Variants in IL1RAPL1 observed in about 807,000 individuals in gnomAD.
IL1RAPL1 encodes the protein interleukin 1 receptor accessory protein like 1, also known as interleukin-1 receptor accessory protein-like 1.
In IL1RAPL1, 3 loss-of-function variants were observed where a neutral mutation model predicts 48.4. The ratio of observed to expected loss-of-function variants is 0.06; its 90% CI spans 0.03 to 0.16. The LOEUF (loss-of-function observed/expected upper bound fraction) is 0.16. IL1RAPL1 is among the 10% of genes least tolerant of loss of function. The probability of loss-of-function intolerance (pLI) is 1.00; values close to 1 mark genes in which losing one functional copy is unlikely to be tolerated. For synonymous variants in IL1RAPL1, 185 were observed against 187.7 expected, an observed-to-expected ratio of 0.99 and a Z score of 0.12; for missense variants, 349 against 530.6, an observed-to-expected ratio of 0.66 and a Z score of 3.36.
chrX:29,583,038 C>T (rs1338808358), intron 5 of IL1RAPL1, among the ~76,000 whole-genome samples: 1 of 100,735 alleles, frequency 9.9e-6, no homozygotes, highest in Non-Finnish European at 2.0e-5. Flanking sequence ...TATTTCTCCA[C>T]ATCCTCTCCA....
chrX:29,606,653 A>G (rs1323471481), intron 5 of IL1RAPL1, among the ~76,000 whole-genome samples: 3 of 112,235 alleles, frequency 2.7e-5, no homozygotes, highest in African/African-American at 9.7e-5. Context: ...TCTCTACCAC[A>G]CAGACTCAAC....
At chrX:29,942,183 C>T (rs765363959) in intron 9 of IL1RAPL1, among the ~76,000 whole-genome samples, 5 of 111,556 alleles carry the variant, frequency 4.5e-5, no homozygotes, top group East Asian at 2.8e-4. Context: ...TAGTTTGAAG[C>T]GAATCTCAAT....
chrX:28,966,460 G>A (rs2147365929), intron 2 of IL1RAPL1, among the ~76,000 whole-genome samples: 1 of 111,714 alleles, frequency 9.0e-6, no homozygotes, highest in South Asian at 3.7e-4. Context: ...CAACTCATGT[G>A]CATTCTAATA....
Position 29,131,613 on chromosome X carries a change from T to A in IL1RAPL1, c.83-151325T>A, listed in dbSNP as rs181977413. Among the ~76,000 whole-genome samples the A allele has an allele frequency of 2.7e-5, 3 of 111,281 alleles. No homozygotes were observed. In the East Asian group the frequency reaches 8.5e-4, roughly 32 times the overall value. On this transcript the variant is annotated intron_variant, in intron 2 of 10. Coordinates refer to ENST00000378993, the MANE Select transcript of IL1RAPL1 (RefSeq NM_014271.4). ...GAATAGGGTTTACATGGCATTGCCT[T>A]AAGGATATGTAGTCTTTCTATTCCT...
intron 2 of IL1RAPL1, among the ~76,000 whole-genome samples, chrX:28,970,110 C>G (rs1925033957): frequency 9.0e-6 from 1 of 111,586 alleles, no homozygotes; most frequent in Non-Finnish European, 1.9e-5. Flanking sequence ...AAGTGATTCT[C>G]CTGCCTCAGC....
At chrX:29,855,509 A>G (rs1266050844) in intron 6 of IL1RAPL1, among the ~76,000 whole-genome samples, 1 of 111,626 alleles carries the variant, frequency 9.0e-6, no homozygotes, top group East Asian at 2.8e-4. Context: ...CTCTAGATAA[A>G]GATCCTGGAG....
chrX:29,226,598 A>AT (rs1222024181), intron 2 of IL1RAPL1, among the ~76,000 whole-genome samples: 3 of 108,324 alleles, frequency 2.8e-5, no homozygotes, highest in South Asian at 4.0e-4. Flanking sequence ...CATCTGGCTA[A>AT]TTTTTTTTGT....
chrX:29,777,874 T>C (rs1929242081), intron 6 of IL1RAPL1, among the ~76,000 whole-genome samples: 1 of 110,647 alleles, frequency 9.0e-6, no homozygotes, highest in South Asian at 3.8e-4. Context: ...ATCTATATTA[T>C]GCCAATTCTT....
At chrX:29,310,937 A>G (rs976967637) in intron 3 of IL1RAPL1, among the ~76,000 whole-genome samples, 1 of 111,937 alleles carries the variant, frequency 8.9e-6, no homozygotes, top group African/African-American at 3.2e-5. Context: ...TCATTGTCTG[A>G]GAAAAATCTT....
intron 2 of IL1RAPL1, among the ~76,000 whole-genome samples, chrX:29,132,215 A>C (rs1929036451): frequency 9.0e-6 from 1 of 111,646 alleles, no homozygotes; most frequent in African/African-American, 3.3e-5. Flanking sequence ...AGTCCCAAAG[A>C]TTTCAGATTA....
At chrX:29,954,734 A>AGT (rs778595120) in intron 10 of IL1RAPL1, 42 bp downstream of exon 10, 1 of 1,025,963 alleles carries the variant, frequency 9.7e-7, no homozygotes. Flanking sequence ...TATTCATGTG[A>AGT]GTGTCTGTGT....
intron 2 of IL1RAPL1, among the ~76,000 whole-genome samples, chrX:29,190,420 G>A (rs1336245670): frequency 8.9e-6 from 1 of 112,094 alleles, no homozygotes; most frequent in Non-Finnish European, 1.9e-5. Context: ...ATCAAACTGT[G>A]GTACCTGCTG....
chrX:28,623,037 C>T (rs901973988), intron 1 of IL1RAPL1, among the ~76,000 whole-genome samples: 20 of 111,273 alleles, frequency 1.8e-4, no homozygotes, highest in Non-Finnish European at 3.4e-4. Flanking sequence ...GCTTTCATTC[C>T]TTTACTATTT....
chrX:28,733,160 G>C (rs1223670347), intron 1 of IL1RAPL1, among the ~76,000 whole-genome samples: 1 of 109,656 alleles, frequency 9.1e-6, no homozygotes. Flanking sequence ...ACATACTTAG[G>C]ACAGTAACAG....
chrX:29,859,603 C>G (rs1234210677), intron 6 of IL1RAPL1, among the ~76,000 whole-genome samples: 1 of 111,914 alleles, frequency 8.9e-6, no homozygotes, highest in Non-Finnish European at 1.9e-5. Context: ...ATAATTTCCA[C>G]ATAAAAATTT....
intron 3 of IL1RAPL1, among the ~76,000 whole-genome samples, chrX:29,289,509 C>G: frequency 8.9e-6 from 1 of 111,860 alleles, no homozygotes; most frequent in Middle Eastern, 4.6e-3. Context: ...AGAGTGATTC[C>G]TCCTACTTTA....
chrX:29,102,642 G>A (rs756590798), intron 2 of IL1RAPL1, among the ~76,000 whole-genome samples: 1 of 107,653 alleles, frequency 9.3e-6, no homozygotes, highest in South Asian at 4.2e-4. Context: ...CTCCAGCCTG[G>A]GCAACAAAAG....
chrX:29,057,515 C>T (rs1435591139), intron 2 of IL1RAPL1, among the ~76,000 whole-genome samples: 2 of 110,068 alleles, frequency 1.8e-5, no homozygotes, highest in African/African-American at 6.6e-5. Context: ...GCAACCTCGG[C>T]CTCCTGGGTT....
chrX:28,903,424 C>CTTTTTTTT (rs199661606), intron 2 of IL1RAPL1, among the ~76,000 whole-genome samples: 15 of 100,119 alleles, frequency 1.5e-4, no homozygotes, highest in Admixed American at 3.3e-4. Context: ...TTCTTTCTTT[C>CTTTTTTTT]TTTTTTTTTT....
Sources: allele counts gnomAD v4.1 joint callset (sites outside exome capture counted in the v4.1 genomes callset), GRCh38; gene constraint gnomAD v4.1.1; transcripts MANE v1.5; gene names NCBI Gene and HGNC (gene_info 2026-07-23, HGNC 2026-07-21).